SLC27A6: variants seen among roughly 807,000 people sequenced by gnomAD.
The protein encoded by SLC27A6 is long-chain fatty acid transport protein 6.
A neutral mutation model predicts 63.9 loss-of-function variants in SLC27A6; 74 were observed. The ratio of observed to expected loss-of-function variants is 1.16; its 90% CI spans 0.96 to 1.40. The LOEUF is 1.40. SLC27A6 is among the 40% of genes most tolerant of loss of function. The pLI is 0.00. For missense variants in SLC27A6, 794 were observed against 732.9 expected (o/e 1.08, Z -0.96); for synonymous variants, 287 against 260.8 (o/e 1.10, Z -0.97).
chr5:129,032,546 C>T (rs1752446488), intron 9 of SLC27A6, among the ~76,000 whole-genome samples: 1 of 152,018 alleles, frequency 6.6e-6, no homozygotes, highest in South Asian at 2.1e-4. Flanking sequence ...TGGTGACTAA[C>T]AGATGTCACT....
At chr5:128,966,850 A>G (rs1749923990) in intron 1 of SLC27A6, among the ~76,000 whole-genome samples, 1 of 152,196 alleles carries the variant, frequency 6.6e-6, no homozygotes, top group South Asian at 2.1e-4. Context: ...ATTTTGAGAC[A>G]GGGACAGTTT....
chr5:129,025,454 A>G lies in SLC27A6; in HGVS notation c.1256-1679A>G, dbSNP rs528533490. Among the ~76,000 whole-genome samples, 4 of 152,168 alleles carry G rather than the reference A, an allele frequency of 2.6e-5. No individual in the cohort carries two copies. In the East Asian group the frequency reaches 7.8e-4, roughly 29 times the overall value. On this transcript the variant is annotated intron_variant, in intron 6 of 9. Transcript: ENST00000262462. Reference sequence around the variant, plus strand: ...GAGTCAGATGTACCTGGATATATATATATATATACTCCGACTCCTGCATTT... The same window carrying G: ...GAGTCAGATGTACCTGGATATATATGTATATATACTCCGACTCCTGCATTT...
At chr5:128,989,797 A>G (rs930929581) in intron 3 of SLC27A6, among the ~76,000 whole-genome samples, 1 of 151,716 alleles carries the variant, frequency 6.6e-6, no homozygotes, top group African/African-American at 2.4e-5. Context: ...GGTGGCAGGC[A>G]CCTGTAGTCC....
intron 1 of SLC27A6, among the ~76,000 whole-genome samples, chr5:128,983,192 A>G (rs1750650513): frequency 6.6e-6 from 1 of 151,214 alleles, no homozygotes; most frequent in South Asian, 2.1e-4. Context: ...TCTTGTGATT[A>G]TTTTAAAATT....
chr5:128,996,569 T>C (rs574507646), intron 4 of SLC27A6, among the ~76,000 whole-genome samples: 23 of 152,290 alleles, frequency 1.5e-4, no homozygotes, highest in African/African-American at 5.5e-4. Context: ...AGTGAGCCCC[T>C]AAGAGTTTAC....
At chr5:128,999,771 A>C (rs1418077777) in intron 4 of SLC27A6, among the ~76,000 whole-genome samples, 2 of 152,014 alleles carry the variant, frequency 1.3e-5, no homozygotes, top group Non-Finnish European at 2.9e-5. Flanking sequence ...ACCTCCTCAG[A>C]GTGGGCTTCT....
In SLC27A6 at chr5:129,013,823, T is replaced by C. The variant is rs924128747; in HGVS notation, c.970-2062T>C. ...AGGTATTTTTGGCATGTTCTTTGCG[T>C]CTCATATGTCTTTTACTTCCTTTTA... is the stretch of plus-strand genomic sequence containing the variant. On this transcript the variant is annotated intron_variant, in intron 4 of 9. Coordinates refer to ENST00000262462, the MANE Select transcript of SLC27A6 (RefSeq NM_001017372.3). 2.8e-4 allele frequency among the ~76,000 whole-genome samples: 42 copies of C among 152,296 alleles called. 1 individual carries two copies. The highest frequency in any genetic ancestry group is 9.9e-4 in the African/African-American group (41 of 41,578).
intron 1 of SLC27A6, among the ~76,000 whole-genome samples, chr5:128,971,495 C>T (rs2150127040): frequency 6.7e-6 from 1 of 150,302 alleles, no homozygotes; most frequent in South Asian, 2.1e-4. Context: ...TTGAATTGAT[C>T]CCTTTACCAT....
chr5:129,029,433 GAT>G, intron 8 of SLC27A6, 142 bp from the exon 9 acceptor site: 3 of 568,360 alleles, frequency 5.3e-6, no homozygotes, highest in Non-Finnish European at 9.0e-6. Flanking sequence ...TTCAGGGAAG[GAT>G]ACAGACTAGT....
At chr5:129,008,683 C>A (rs1751627465) in intron 4 of SLC27A6, among the ~76,000 whole-genome samples, 1 of 152,168 alleles carries the variant, frequency 6.6e-6, no homozygotes, top group Non-Finnish European at 1.5e-5. Flanking sequence ...TAGAACAGAA[C>A]TGCTGTGGGT....
At chr5:129,017,726 A>G (rs1751950863) in intron 5 of SLC27A6, among the ~76,000 whole-genome samples, 1 of 152,192 alleles carries the variant, frequency 6.6e-6, no homozygotes, top group South Asian at 2.1e-4. Context: ...GAATAAGTTC[A>G]TATCAATAAA....
At chr5:129,018,283 C>A (rs944487267) in intron 5 of SLC27A6, among the ~76,000 whole-genome samples, 5 of 152,074 alleles carry the variant, frequency 3.3e-5, no homozygotes, top group African/African-American at 9.7e-5. Flanking sequence ...AACTGCCATA[C>A]CTCAAAGAAC....
At chr5:128,980,901 A>G (rs1750562690) in intron 1 of SLC27A6, among the ~76,000 whole-genome samples, 1 of 152,216 alleles carries the variant, frequency 6.6e-6, no homozygotes, top group East Asian at 1.9e-4. Flanking sequence ...TATAACTCAT[A>G]CTAATGGCAT....
Position 129,016,087 on chromosome 5 carries a change from C to T in SLC27A6, c.1164+8C>T. 1.9e-6 allele frequency: 3 copies of T among 1,561,776 alleles called. No individual in the cohort carries two copies. Among genetic ancestry groups the T allele is most frequent in the Non-Finnish European group, 2.6e-6 (3 of 1,155,878 alleles). Reference sequence around the variant, plus strand: ...ACAAATTTGTTTTACAAAGTAAGTACAGCATTTTCCTTATTAAAGAAATAC... The same window carrying T: ...ACAAATTTGTTTTACAAAGTAAGTATAGCATTTTCCTTATTAAAGAAATAC... On this transcript the variant is annotated splice_region_variant and intron_variant, in intron 5 of 9. Coordinates refer to ENST00000262462, the MANE Select transcript of SLC27A6 (RefSeq NM_001017372.3).
intron 4 of SLC27A6, among the ~76,000 whole-genome samples, chr5:129,012,132 C>G (rs1284692972): frequency 6.6e-6 from 1 of 151,614 alleles, no homozygotes; most frequent in Non-Finnish European, 1.5e-5. Flanking sequence ...GCTTTTGCTG[C>G]ATAGCATAAT....
rs780251899 is a variant in SLC27A6, at chr5:129,027,232, T to C, written c.1355T>C (p.Val452Ala). 1 of 1,613,338 alleles carries C rather than the reference T, an allele frequency of 6.2e-7. No homozygotes were observed. Among genetic ancestry groups the C allele is most frequent in the South Asian group, 1.1e-5 (1 of 91,076 alleles). ...KHTKDKLLCD[V>A]FKKGDVYLNT... is the part of the protein sequence containing the mutation. The stretch of plus-strand genomic sequence containing the variant: ...ACAAAAGACAAATTGCTTTGTGATG[T>C]TTTTAAGAAGGGAGATGTTTACCTT... Residue 452 changes from valine to alanine, a missense_variant, in exon 7 of 10, where the codon GTT becomes GCT. Transcript: ENST00000262462.
chr5:128,996,656 T>A (rs1221232128), intron 4 of SLC27A6, among the ~76,000 whole-genome samples: 1 of 152,142 alleles, frequency 6.6e-6, no homozygotes, highest in African/African-American at 2.4e-5. Flanking sequence ...AAGTGATTTA[T>A]GGCAGTGTGA....
At chr5:128,990,576 T>C in intron 4 of SLC27A6, 112 bp downstream of exon 4, 1 of 1,141,996 alleles carries the variant, frequency 8.8e-7, no homozygotes, top group Non-Finnish European at 1.2e-6. Flanking sequence ...GGCGGGTCTT[T>C]GTTCTTAGAG....
chr5:128,988,725 G>A lies in SLC27A6; in HGVS notation c.811G>A (p.Ala271Thr). ...CCTTCCTCTGTATCATAGTTCAGCAGCTATCCTGGGAATTTCTGGATGTGT... is the reference window on the plus strand; with the variant it reads ...CCTTCCTCTGTATCATAGTTCAGCAACTATCCTGGGAATTTCTGGATGTGT... Reference protein sequence around the residue: ...ITLPLYHSSAAILGISGCVEL... With the variant: ...ITLPLYHSSATILGISGCVEL... The change falls in exon 3 of 10, where the codon GCT (alanine) becomes ACT (threonine). Residue 271 changes from alanine to threonine, a missense_variant. Physicochemically the swap from Ala to Thr is moderately conservative, Grantham distance 58. Coordinates refer to ENST00000262462, the MANE Select transcript of SLC27A6 (RefSeq NM_001017372.3). 6.2e-7 allele frequency: 1 copy of A among 1,613,334 alleles called. No homozygotes were observed. Among genetic ancestry groups the A allele is most frequent in the Non-Finnish European group, 8.5e-7 (1 of 1,179,700 alleles).
Sources: allele counts gnomAD v4.1 joint callset (sites outside exome capture counted in the v4.1 genomes callset), GRCh38; gene constraint gnomAD v4.1.1; transcripts MANE v1.5; gene names NCBI Gene and HGNC (gene_info 2026-07-23, HGNC 2026-07-21).